TMC5: variants seen among roughly 807,000 people sequenced by gnomAD.
TMC5 encodes the protein transmembrane channel like 5.
TMC5 carries 86 observed loss-of-function variants against 110.5 expected under a neutral mutation model. The ratio of observed to expected loss-of-function variants is 0.78; its 90% CI spans 0.65 to 0.93. TMC5 has a LOEUF of 0.93. Ranked by LOEUF, TMC5 falls within the 40% of genes least tolerant of loss-of-function variation. The pLI is 0.00. For missense variants in TMC5, 1,144 were observed against 1,222.8 expected (o/e 0.94, Z 0.96); for synonymous variants, 455 against 439.5 (o/e 1.04, Z -0.44).
At chr16:19,476,662 G>A (rs1469398786) in intron 12 of TMC5, among the ~76,000 whole-genome samples, 1 of 152,180 alleles carries the variant, frequency 6.6e-6, no homozygotes, top group African/African-American at 2.4e-5. Flanking sequence ...AATGGGAAGT[G>A]AAATCAGATC....
At chr16:19,458,733 A>C (rs566893552) in intron 5 of TMC5, among the ~76,000 whole-genome samples, 1 of 151,536 alleles carries the variant, frequency 6.6e-6, no homozygotes, top group Non-Finnish European at 1.5e-5. Context: ...CAATCTACTC[A>C]CCCTTCCTAC....
chr16:19,456,649 T>C, intron 5 of TMC5: 1 of 1,562,880 alleles, frequency 6.4e-7, no homozygotes, highest in South Asian at 1.2e-5. Flanking sequence ...GTGTGACTGC[T>C]GTATGAAGTC....
chr16:19,428,992 A>C (rs1326052889), intron 1 of TMC5, among the ~76,000 whole-genome samples: 1 of 151,788 alleles, frequency 6.6e-6, no homozygotes, highest in African/African-American at 2.4e-5. Flanking sequence ...CGCCTGGCTC[A>C]TTTTCTTATT....
At chr16:19,422,300 AAGAG>A (rs924442879) in intron 1 of TMC5, among the ~76,000 whole-genome samples, 1 of 151,882 alleles carries the variant, frequency 6.6e-6, no homozygotes, top group African/African-American at 2.4e-5. Context: ...AGGGGGGGAA[AAGAG>A]AGAGAGAAAG....
chr16:19,472,122 A>G lies in TMC5; in HGVS notation c.1817A>G (p.Lys606Arg). 6.2e-7 allele frequency: 1 copy of G among 1,614,152 alleles called. No individual in the cohort carries two copies. Among genetic ancestry groups the G allele is most frequent in the Non-Finnish European group, 8.5e-7 (1 of 1,180,004 alleles). Residue 606 changes from lysine to arginine, a missense_variant, in exon 11 of 22, where the codon AAG (lysine) becomes AGG (arginine). Transcript: ENST00000542583. ...NLSELRQENS[K>R]LTFNQLLTRF... ...TCAGAGCTCCGTCAGGAGAATTCCA[A>G]GTTGACGTTCAATCAGCTGCTGACC...
intron 2 of TMC5, among the ~76,000 whole-genome samples, chr16:19,435,033 T>C (rs191573186): frequency 1.3e-5 from 2 of 152,308 alleles, no homozygotes; most frequent in East Asian, 1.9e-4. Context: ...TGTCTTCACG[T>C]AGGTTTTGTT....
rs1248956889 is a variant in TMC5, at chr16:19,464,006, G to A, written c.1467G>A (p.Leu489=). Residue 489 remains leucine, a synonymous_variant, in exon 8 of 22, where the codon CTG becomes CTA. Coordinates refer to ENST00000542583, the MANE Select transcript of TMC5 (RefSeq NM_001261841.2). ...AGAACACCCTCCAGTTCACTGGGCT[G>A]GAGTTTTTCACTGGGGTGGTAAGTC... ...AKKNTLQFTG[L]EFFTGVGYFR... is the part of the protein sequence containing the mutation. The A allele has an allele frequency of 1.2e-6, 2 of 1,614,076 alleles. No homozygotes were observed.
At chr16:19,457,833 C>T (rs1323284182) in intron 5 of TMC5, among the ~76,000 whole-genome samples, 2 of 141,002 alleles carry the variant, frequency 1.4e-5, no homozygotes, top group Non-Finnish European at 3.0e-5. Context: ...AAGTGATTCT[C>T]ATGCCTCAGC....
intron 6 of TMC5, 123 bp from the exon 7 acceptor site, chr16:19,463,157 G>C: frequency 1.4e-6 from 1 of 731,332 alleles, no homozygotes; most frequent in Non-Finnish European, 2.4e-6. Flanking sequence ...CCTGGCCTCA[G>C]TGATCCTCTT....
intron 17 of TMC5, 119 bp downstream of exon 17, chr16:19,487,445 T>A: frequency 7.5e-7 from 1 of 1,339,464 alleles, no homozygotes; most frequent in Non-Finnish European, 1.0e-6. Context: ...CTCACGCCTG[T>A]GATCCCGGCA....
At chr16:19,473,448 G>T (rs1968402362) in intron 11 of TMC5, among the ~76,000 whole-genome samples, 1 of 150,606 alleles carries the variant, frequency 6.6e-6, no homozygotes, top group Non-Finnish European at 1.5e-5. Context: ...GGTGAAGCCT[G>T]GTGAAAATGA....
Position 19,486,980 on chromosome 16 carries a change from T to C in TMC5, c.2399T>C (p.Ile800Thr), listed in dbSNP as rs1393549659. 1 of 1,613,968 alleles carries C rather than the reference T, an allele frequency of 6.2e-7. No homozygotes were observed. The highest frequency in any genetic ancestry group is 2.2e-5 in the East Asian group (1 of 44,884). ...GIFFCPLLPFIQMIMLFIMFY... is the reference protein window; with the variant it reads ...GIFFCPLLPFTQMIMLFIMFY... ...TTCTTCTGCCCCCTGCTGCCCTTTATCCAAATGATTATGCTTTTCATCATG... is the reference window on the plus strand; with the variant it reads ...TTCTTCTGCCCCCTGCTGCCCTTTACCCAAATGATTATGCTTTTCATCATG... Residue 800 changes from isoleucine (I) to threonine (T), a missense_variant, in exon 16 of 22, where the codon ATC (isoleucine) becomes ACC (threonine). Ile to Thr is a moderately conservative substitution (Grantham distance 89, BLOSUM62 -1). Transcript: ENST00000542583.
chr16:19,419,426 TTTTTG>T (rs1966931745), intron 1 of TMC5, among the ~76,000 whole-genome samples: 1 of 141,940 alleles, frequency 7.0e-6, no homozygotes, highest in African/African-American at 2.6e-5. Flanking sequence ...TTTTTTTTTT[TTTTTG>T]AGACAGTGTC....
intron 5 of TMC5, among the ~76,000 whole-genome samples, chr16:19,452,390 C>T (rs1281506733): frequency 6.6e-6 from 1 of 152,086 alleles, no homozygotes; most frequent in Admixed American, 6.6e-5. Flanking sequence ...TGGGAGGCTT[C>T]ATTACATAGA....
At position 19,464,031 on chromosome 16, in the gene TMC5, C is replaced by T; in HGVS notation, c.1485+7C>T. 6.2e-7 allele frequency: 1 copy of T among 1,612,684 alleles called. No individual in the cohort carries two copies. Among genetic ancestry groups the T allele is most frequent in the Non-Finnish European group, 8.5e-7 (1 of 1,179,206 alleles). ...GGAGTTTTTCACTGGGGTGGTAAGTCCTCCACTTCCCCTACCCCAAGTGCA... is the reference window on the plus strand; with the variant it reads ...GGAGTTTTTCACTGGGGTGGTAAGTTCTCCACTTCCCCTACCCCAAGTGCA... On this transcript the variant is annotated splice_region_variant and intron_variant, in intron 8 of 21. Transcript: ENST00000542583.
intron 13 of TMC5, among the ~76,000 whole-genome samples, chr16:19,478,261 T>C (rs1431623228): frequency 6.6e-6 from 1 of 152,134 alleles, no homozygotes; most frequent in Non-Finnish European, 1.5e-5. Flanking sequence ...GGAAGTAGAG[T>C]CAGGAATCAG....
chr16:19,440,805 A>G lies in TMC5; in HGVS notation c.767A>G (p.Glu256Gly). 6.2e-7 allele frequency: 1 copy of G among 1,613,094 alleles called. No homozygotes were observed. Among genetic ancestry groups the G allele is most frequent in the South Asian group, 1.1e-5 (1 of 91,042 alleles). Residue 256 changes from glutamate to glycine, a missense_variant, in exon 3 of 22, where the codon GAG (glutamate) becomes GGG (glycine). Coordinates refer to ENST00000542583, the MANE Select transcript of TMC5 (RefSeq NM_001261841.2). The part of the protein sequence containing the change: ...AENGHDYGSS[E>G]TPKMTRGVLS... ...AATGGTCATGATTATGGCTCTTCTG[A>G]GACCCCAAAGATGACCAGGGGGTAA...
chr16:19,470,011 C>T (rs1320669810), intron 10 of TMC5, among the ~76,000 whole-genome samples, 186 bp downstream of exon 10: 1 of 151,634 alleles, frequency 6.6e-6, no homozygotes, highest in Admixed American at 6.6e-5. Context: ...TCTCCTGCCT[C>T]AGCCTCCCGA....
intron 5 of TMC5, among the ~76,000 whole-genome samples, chr16:19,451,771 A>G (rs72785311): frequency 0.036 from 5,517 of 152,100 alleles, 126 homozygotes; most frequent in African/African-American, 0.057. Context: ...GACCCCAGCC[A>G]CATGTCCAGG....
Sources: allele counts gnomAD v4.1 joint callset (sites outside exome capture counted in the v4.1 genomes callset), GRCh38; gene constraint gnomAD v4.1.1; transcripts MANE v1.5; gene names NCBI Gene and HGNC (gene_info 2026-07-23, HGNC 2026-07-21).